AFG1L: variants seen among roughly 807,000 people sequenced by gnomAD.
AFG1L encodes the protein AFG1 like ATPase, also known as AFG1-like ATPase.
Under a neutral mutation model 62.2 loss-of-function variants are expected in AFG1L, and 53 were observed. That is an observed-to-expected ratio of 0.85 (90% confidence interval 0.68 to 1.07). AFG1L has a LOEUF of 1.07. AFG1L is among the 50% of genes least tolerant of loss of function. The pLI is 0.00. For missense variants in AFG1L, 555 were observed against 590.5 expected (o/e 0.94, Z 0.62); for synonymous variants, 228 against 210.3 (o/e 1.08, Z -0.73).
At chr6:108,411,774 C>A (rs1299288977) in intron 7 of AFG1L, among the ~76,000 whole-genome samples, 1 of 152,124 alleles carries the variant, frequency 6.6e-6, no homozygotes, top group Admixed American at 6.5e-5. Context: ...TCATCAAAGA[C>A]CAAAGGTAGA....
intron 1 of AFG1L, among the ~76,000 whole-genome samples, chr6:108,313,675 G>A (rs879425198): frequency 2.0e-5 from 3 of 152,038 alleles, no homozygotes; most frequent in Non-Finnish European, 4.4e-5. Context: ...TGTGTAGCTG[G>A]TACAAAGGTG....
At position 108,376,790 on chromosome 6, in the gene AFG1L, A is replaced by G. The variant is rs114192120; in HGVS notation, c.748+10458A>G. Among the ~76,000 whole-genome samples the G allele has an allele frequency of 3.8e-3, 575 of 152,164 alleles. 6 individuals are homozygous for G. Among genetic ancestry groups the G allele is most frequent in the African/African-American group, 0.013 (551 of 41,544 alleles). Reference sequence around the variant, plus strand: ...ACATATCTATTAGTCCAATTGGTCAACTGTTAAGTCCAGAATGTCTTTGTT... The same window carrying G: ...ACATATCTATTAGTCCAATTGGTCAGCTGTTAAGTCCAGAATGTCTTTGTT... On this transcript the variant is annotated intron_variant, in intron 6 of 12. Transcript: ENST00000368977.
chr6:108,393,074 A>G (rs908771497), intron 6 of AFG1L, among the ~76,000 whole-genome samples: 4 of 152,248 alleles, frequency 2.6e-5, no homozygotes, highest in South Asian at 2.1e-4. Flanking sequence ...TGAATGTCCC[A>G]TAATTCTAGC....
chr6:108,518,541 C>T (rs1774993213), intron 11 of AFG1L, among the ~76,000 whole-genome samples: 1 of 151,356 alleles, frequency 6.6e-6, no homozygotes, highest in Non-Finnish European at 1.5e-5. Context: ...AGGAGATATA[C>T]CTAATGTTAA....
chr6:108,454,807 C>T (rs1772189226), intron 8 of AFG1L, among the ~76,000 whole-genome samples: 1 of 152,244 alleles, frequency 6.6e-6, no homozygotes, highest in South Asian at 2.1e-4. Context: ...CGCATGCCAC[C>T]ACGCCCAGCT....
chr6:108,335,580 C>A (rs894609564), intron 2 of AFG1L, among the ~76,000 whole-genome samples: 1 of 152,178 alleles, frequency 6.6e-6, no homozygotes, highest in African/African-American at 2.4e-5. Context: ...ACAACAACAG[C>A]GTTCAGAACA....
At chr6:108,302,379 T>A (rs1777040148) in intron 1 of AFG1L, among the ~76,000 whole-genome samples, 1 of 152,240 alleles carries the variant, frequency 6.6e-6, no homozygotes, top group Non-Finnish European at 1.5e-5. Flanking sequence ...TTGTATAAAG[T>A]GCAGGAAAAA....
chr6:108,305,945 C>T (rs1777183454), intron 1 of AFG1L, among the ~76,000 whole-genome samples: 2 of 152,040 alleles, frequency 1.3e-5, no homozygotes, highest in African/African-American at 4.8e-5. Flanking sequence ...GCTCTGTTGC[C>T]CAGGTTGGAA....
intron 5 of AFG1L, among the ~76,000 whole-genome samples, chr6:108,361,920 A>G (rs1779548509): frequency 1.3e-5 from 2 of 152,098 alleles, no homozygotes; most frequent in African/African-American, 4.8e-5. Flanking sequence ...TTTATTGTTT[A>G]TCTGTATTCC....
At chr6:108,352,667 C>T (rs140617364) in intron 3 of AFG1L, among the ~76,000 whole-genome samples, 26 of 152,212 alleles carry the variant, frequency 1.7e-4, no homozygotes, top group African/African-American at 5.5e-4. Flanking sequence ...TGGGCTTAAG[C>T]GATCCTCCTG....
chr6:108,400,655 AAT>A (rs535002064), intron 6 of AFG1L, among the ~76,000 whole-genome samples: 7,035 of 122,928 alleles, frequency 0.057, 510 homozygotes, highest in African/African-American at 0.17. Flanking sequence ...ATTTATGTAT[AAT>A]ATATATAATT....
intron 7 of AFG1L, among the ~76,000 whole-genome samples, chr6:108,440,510 A>G (rs1211872828): frequency 6.6e-6 from 1 of 152,056 alleles, no homozygotes. Flanking sequence ...AAAATGATAT[A>G]TCTTAGTTAT....
intron 10 of AFG1L, among the ~76,000 whole-genome samples, chr6:108,486,312 G>A (rs1467630544): frequency 1.3e-5 from 2 of 152,026 alleles, no homozygotes; most frequent in African/African-American, 4.8e-5. Flanking sequence ...CTATCATAGA[G>A]TATGATTTGC....
intron 2 of AFG1L, among the ~76,000 whole-genome samples, chr6:108,336,433 G>C (rs1390973804): frequency 2.6e-5 from 4 of 152,120 alleles, no homozygotes; most frequent in Admixed American, 6.6e-5. Context: ...GAAAGGCAGA[G>C]GACGTGCTAT....
At chr6:108,421,194 C>A (rs1562150497) in intron 7 of AFG1L, among the ~76,000 whole-genome samples, 1 of 152,086 alleles carries the variant, frequency 6.6e-6, no homozygotes, top group Non-Finnish European at 1.5e-5. Flanking sequence ...TGATTCCAAC[C>A]ATGAAGAGAT....
chr6:108,432,894 A>G (rs1406499177), intron 7 of AFG1L, among the ~76,000 whole-genome samples: 1 of 152,214 alleles, frequency 6.6e-6, no homozygotes, highest in African/African-American at 2.4e-5. Context: ...CCACTGGTCT[A>G]CCATCTTCCC....
At chr6:108,296,881 C>T (rs1776785794) in intron 1 of AFG1L, among the ~76,000 whole-genome samples, 1 of 152,092 alleles carries the variant, frequency 6.6e-6, no homozygotes, top group South Asian at 2.1e-4. Context: ...TCCTCATTAT[C>T]CTCATTTTGG....
At position 108,470,248 on chromosome 6, in the gene AFG1L, C is replaced by T. The variant is rs114360671; in HGVS notation, c.891-6617C>T. Among the ~76,000 whole-genome samples, 232 of 152,316 alleles carry T rather than the reference C, an allele frequency of 1.5e-3. 1 individual carries two copies. Among genetic ancestry groups the T allele is most frequent in the African/African-American group, 5.3e-3 (221 of 41,568 alleles). ...TCACTTGCCTTTGGGGAGGATAAGT[C>T]GTCATCCTCTTCTTTCCCAAGGGGA... On this transcript the variant is annotated intron_variant, in intron 8 of 12. Coordinates refer to ENST00000368977, the MANE Select transcript of AFG1L (RefSeq NM_145315.5).
At chr6:108,431,499 A>G (rs954587899) in intron 7 of AFG1L, among the ~76,000 whole-genome samples, 13 of 151,878 alleles carry the variant, frequency 8.6e-5, no homozygotes, top group Non-Finnish European at 4.4e-5. Context: ...TCTAAGATAG[A>G]GTATGGAAGA....
Sources: gnomAD v4.1 joint callset for allele counts (sites outside exome capture counted in the v4.1 genomes callset) on GRCh38, gnomAD v4.1.1 for gene constraint, MANE v1.5 for transcripts, NCBI Gene and HGNC (gene_info 2026-07-23, HGNC 2026-07-21) for gene names.